CADPS: variants seen among roughly 807,000 people sequenced by gnomAD.
The protein encoded by CADPS is calcium-dependent secretion activator 1.
CADPS carries 57 observed loss-of-function variants against 167.3 expected under a neutral mutation model. The ratio of observed to expected loss-of-function variants is 0.34; its 90% confidence interval spans 0.28 to 0.42. CADPS has a LOEUF of 0.42. Ranked by LOEUF, CADPS falls within the 20% of genes least tolerant of loss-of-function variation. CADPS has a pLI of 1.00. For missense variants in CADPS, 1,414 were observed against 1,738.1 expected (o/e 0.81, Z 3.32); for synonymous variants, 676 against 635.3 (o/e 1.06, Z -0.96).
intron 1 of CADPS, among the ~76,000 whole-genome samples, chr3:62,768,526 G>A (rs1479358026): frequency 6.6e-6 from 1 of 152,120 alleles, no homozygotes; most frequent in Non-Finnish European, 1.5e-5. Flanking sequence ...CCTTAAATAA[G>A]CATGGTGCTC....
chr3:62,557,607 G>C, intron 9 of CADPS, 94 bp from the exon 10 acceptor site: 1 of 956,176 alleles, frequency 1.0e-6, no homozygotes, highest in Non-Finnish European at 1.7e-6. Context: ...GATCTGGACT[G>C]AGTGGCTGGG....
chr3:62,560,650 G>A (rs562749737), intron 9 of CADPS, among the ~76,000 whole-genome samples: 14 of 152,326 alleles, frequency 9.2e-5, no homozygotes, highest in African/African-American at 3.4e-4. Context: ...AGGACAGGCC[G>A]TTGGGACTTC....
At chr3:62,548,092 T>C (rs2076784353) in intron 11 of CADPS, among the ~76,000 whole-genome samples, 1 of 152,130 alleles carries the variant, frequency 6.6e-6, no homozygotes, top group Admixed American at 6.6e-5. Flanking sequence ...GAATGGTGAT[T>C]ATAGTTAGAA....
At chr3:62,585,434 G>A (rs577364391) in intron 7 of CADPS, 110 bp from the exon 8 acceptor site, 4 of 1,105,364 alleles carry the variant, frequency 3.6e-6, no homozygotes, top group Non-Finnish European at 5.1e-6. Context: ...TCCCACTGTG[G>A]AGCAGCCATA....
At chr3:62,668,648 A>T (rs1304093230) in intron 3 of CADPS, among the ~76,000 whole-genome samples, 7 of 152,120 alleles carry the variant, frequency 4.6e-5, no homozygotes, top group Admixed American at 3.9e-4. Context: ...CCATTAATTT[A>T]CAGGTACTTA....
chr3:62,788,935 G>C (rs1263888172), intron 1 of CADPS, among the ~76,000 whole-genome samples: 2 of 152,200 alleles, frequency 1.3e-5, no homozygotes, highest in Non-Finnish European at 2.9e-5. Flanking sequence ...ATAGGAAACA[G>C]AGTTGAGGCT....
At chr3:62,700,727 T>C (rs1021798661) in intron 3 of CADPS, among the ~76,000 whole-genome samples, 1 of 152,122 alleles carries the variant, frequency 6.6e-6, no homozygotes, top group Non-Finnish European at 1.5e-5. Flanking sequence ...CCCATTCTTA[T>C]GCTCAGTTTA....
Position 62,874,878 on chromosome 3 carries a change from C to G in CADPS, c.152G>C (p.Gly51Ala). 8.5e-7 allele frequency: 1 copy of G among 1,177,444 alleles called. No homozygotes were observed. The highest frequency in any genetic ancestry group is 1.0e-6 in the Non-Finnish European group (1 of 955,068). 72.9% of individuals were successfully genotyped at this position (1,177,444 alleles called of 1,614,324 possible). ...CACCCCGGCTCCGGCGCCGGCGCCG[C>G]CGCCCCCCAGCCCGGCGCTGCCGGC... is the stretch of plus-strand genomic sequence containing the variant. ...GSAGSAGLGG[G>A]GAGAGAGVGA... The change falls in exon 1 of 30, where the codon GGC becomes GCC. Residue 51 changes from glycine to alanine, a missense_variant. Coordinates refer to ENST00000383710, the MANE Select transcript of CADPS (RefSeq NM_003716.4). The surrounding 1 kb of genome is among the most constrained non-coding windows in gnomAD (Gnocchi z 7.1).
chr3:62,622,290 G>A lies in CADPS; in HGVS notation c.1325+23432C>T, dbSNP rs568293469. ...ATACTTCTCGCTCTCAACCACAAATGTTTATTGAATTTCTACGATGTCCGG... is the reference window on the plus strand; with the variant it reads ...ATACTTCTCGCTCTCAACCACAAATATTTATTGAATTTCTACGATGTCCGG... On this transcript the variant is annotated intron_variant, in intron 6 of 29. Transcript: ENST00000383710. Among the ~76,000 whole-genome samples, 7 of 152,216 alleles carry A rather than the reference G, an allele frequency of 4.6e-5. 2 individuals are homozygous for A. The South Asian group carries it at 1.4e-3, about 32-fold the overall frequency.
chr3:62,466,249 C>T (rs1163942450), intron 25 of CADPS, 90 bp downstream of exon 25: 12 of 864,482 alleles, frequency 1.4e-5, no homozygotes, highest in Non-Finnish European at 2.1e-5. Context: ...GTATCCAGCT[C>T]AACTTTTTAA....
chr3:62,814,872 A>G (rs2094543713), intron 1 of CADPS, among the ~76,000 whole-genome samples: 1 of 152,198 alleles, frequency 6.6e-6, no homozygotes, highest in African/African-American at 2.4e-5. Context: ...AGATCAAAGC[A>G]ATTAGTCAAT....
intron 1 of CADPS, among the ~76,000 whole-genome samples, chr3:62,839,785 T>C (rs1322251101): frequency 6.6e-6 from 1 of 152,172 alleles, no homozygotes; most frequent in Non-Finnish European, 1.5e-5. Flanking sequence ...GGCTCAGGGT[T>C]CATTCCAAGA....
At position 62,601,406 on chromosome 3, in the gene CADPS, C is replaced by T. The variant is rs755469832; in HGVS notation, c.1326-8658G>A. Among the ~76,000 whole-genome samples, 6 of 152,124 alleles carry T rather than the reference C, an allele frequency of 3.9e-5. 1 individual carries two copies. Among genetic ancestry groups the T allele is most frequent in the South Asian group, 4.1e-4 (2 of 4,830 alleles). On this transcript the variant is annotated intron_variant, in intron 6 of 29. Coordinates refer to ENST00000383710, the MANE Select transcript of CADPS (RefSeq NM_003716.4). This position sits in a 1 kb window ranked among gnomAD's most constrained non-coding sequence, Gnocchi z 4.3. ...CTGGTCCTTTATAGAAAAAGTTTGC[C>T]GATCTCTGTTACAAACAGTTAAATT...
intron 1 of CADPS, among the ~76,000 whole-genome samples, chr3:62,767,057 G>T (rs565138111): frequency 8.6e-4 from 131 of 152,156 alleles, no homozygotes; most frequent in African/African-American, 3.1e-3. Context: ...CTTTTCATTG[G>T]TTCTAATTTA....
At chr3:62,674,660 A>C (rs749786508) in intron 3 of CADPS, among the ~76,000 whole-genome samples, 4 of 152,200 alleles carry the variant, frequency 2.6e-5, no homozygotes, top group Non-Finnish European at 5.9e-5. Flanking sequence ...TGGGAGAAAA[A>C]GAACGAACTA....
At chr3:62,751,657 G>A (rs1030373566) in intron 3 of CADPS, among the ~76,000 whole-genome samples, 2 of 152,198 alleles carry the variant, frequency 1.3e-5, no homozygotes, top group East Asian at 3.9e-4. Context: ...CTGACCTCAG[G>A]TAATCCACCC....
chr3:62,435,267 C>A (rs1026901336), intron 28 of CADPS, among the ~76,000 whole-genome samples: 4 of 152,176 alleles, frequency 2.6e-5, no homozygotes, highest in African/African-American at 9.7e-5. Flanking sequence ...GCAGCTTTCA[C>A]AGACCCTTCT....
intron 1 of CADPS, among the ~76,000 whole-genome samples, chr3:62,855,777 C>CTGGCTTCTGGCT (rs2079559184): frequency 6.6e-6 from 1 of 152,040 alleles, no homozygotes; most frequent in African/African-American, 2.4e-5. Context: ...TCCTCCTTAA[C>CTGGCTTCTGGCT]ACACAGCATA....
chr3:62,642,915 G>GACAAAACAAA (rs59057183), intron 6 of CADPS, among the ~76,000 whole-genome samples: 4,203 of 146,846 alleles, frequency 0.029, 94 homozygotes, highest in South Asian at 0.083. Flanking sequence ...TATCTCAAAA[G>GACAAAACAAA]ACAAAACAAA....
Sources: allele counts gnomAD v4.1 joint callset (sites outside exome capture counted in the v4.1 genomes callset), GRCh38; gene constraint gnomAD v4.1.1; non-coding constraint Gnocchi (gnomAD v3.1); transcripts MANE v1.5; gene names NCBI Gene and HGNC (gene_info 2026-07-23, HGNC 2026-07-21).